The following ASRGL1 variants were observed in gnomAD, a reference collection of about 807,000 sequenced individuals.
The protein encoded by ASRGL1 is isoaspartyl peptidase/L-asparaginase.
A neutral mutation model predicts 22.4 loss-of-function variants in ASRGL1; 16 were observed. The ratio of observed to expected loss-of-function variants is 0.71; its 90% CI spans 0.48 to 1.08. The LOEUF (loss-of-function observed/expected upper bound fraction) is 1.08. ASRGL1 is among the 50% of genes least tolerant of loss of function. The pLI is 0.00. For missense variants in ASRGL1, 412 were observed against 410.1 expected (o/e 1.00, Z -0.04); for synonymous variants, 165 against 159.3 (o/e 1.04, Z -0.27).
intron 4 of ASRGL1, among the ~76,000 whole-genome samples, chr11:62,360,664 T>C (rs1946411365): frequency 1.3e-5 from 2 of 152,216 alleles, no homozygotes; most frequent in Admixed American, 1.3e-4. Flanking sequence ...GATCTACTTA[T>C]TAATCAAAAC....
intron 4 of ASRGL1, among the ~76,000 whole-genome samples, chr11:62,383,473 G>A (rs1356020788): frequency 6.7e-6 from 1 of 150,352 alleles, no homozygotes; most frequent in African/African-American, 2.5e-5. Flanking sequence ...CGTAGTGGCG[G>A]GCGCCTGTAG....
At chr11:62,341,196 ATT>A (rs577020969) in intron 2 of ASRGL1, among the ~76,000 whole-genome samples, 55 of 135,306 alleles carry the variant, frequency 4.1e-4, no homozygotes, top group African/African-American at 8.2e-4. Context: ...AGATAACAGG[ATT>A]TTTTTTTTTT....
intron 2 of ASRGL1, among the ~76,000 whole-genome samples, chr11:62,349,472 G>A (rs973235708): frequency 6.6e-6 from 1 of 152,196 alleles, no homozygotes; most frequent in Non-Finnish European, 1.5e-5. Flanking sequence ...TGCAAAGGCA[G>A]TTTCAATGTT....
chr11:62,345,834 A>G (rs1357981018), intron 2 of ASRGL1, among the ~76,000 whole-genome samples: 2 of 152,322 alleles, frequency 1.3e-5, no homozygotes, highest in African/African-American at 2.4e-5. Flanking sequence ...CACAGTTCAC[A>G]ACAGGGTTCA....
At chr11:62,353,831 T>A (rs1005481411) in intron 2 of ASRGL1, among the ~76,000 whole-genome samples, 2 of 152,248 alleles carry the variant, frequency 1.3e-5, no homozygotes, top group African/African-American at 4.8e-5. Context: ...ATAAATCTTT[T>A]ATCAGGTCTT....
chr11:62,342,576 G>A (rs1198284095), intron 2 of ASRGL1, among the ~76,000 whole-genome samples: 1 of 152,218 alleles, frequency 6.6e-6, no homozygotes, highest in African/African-American at 2.4e-5. Flanking sequence ...GTCCAATATG[G>A]CAAAATGCTG....
At chr11:62,345,866 C>G (rs1472324952) in intron 2 of ASRGL1, among the ~76,000 whole-genome samples, 1 of 152,172 alleles carries the variant, frequency 6.6e-6, no homozygotes, top group Non-Finnish European at 1.5e-5. Context: ...GAATCTAATG[C>G]TGCTGCTGAT....
intron 4 of ASRGL1, among the ~76,000 whole-genome samples, chr11:62,384,037 T>TGTGTGC (rs1947144604): frequency 6.8e-6 from 1 of 148,146 alleles, no homozygotes; most frequent in African/African-American, 2.5e-5. Context: ...CGTGTGTGCG[T>TGTGTGC]GTGTGTGTGT....
At chr11:62,337,618 G>T (rs186732355) in intron 1 of ASRGL1, 44 bp downstream of exon 1, 3,463 of 176,522 alleles carry the variant, frequency 0.02, 41 homozygotes, top group Non-Finnish European at 0.028. Flanking sequence ...AGACGCGGGA[G>T]GGCGAATGAA....
At chr11:62,356,862 A>T in intron 3 of ASRGL1, 125 bp from the exon 4 acceptor site, 1 of 1,226,890 alleles carries the variant, frequency 8.2e-7, no homozygotes, top group Non-Finnish European at 1.1e-6. Context: ...AAAGCAAACC[A>T]CTGGAATTTG....
At chr11:62,354,448 G>A (rs1946232304) in intron 2 of ASRGL1, among the ~76,000 whole-genome samples, 1 of 152,118 alleles carries the variant, frequency 6.6e-6, no homozygotes. Flanking sequence ...GCCGCAGTAA[G>A]AAATTAATAA....
At chr11:62,394,195 TATATATAATATATG>T (rs1453440857), downstream of ASRGL1, among the ~76,000 whole-genome samples, 1 of 131,860 alleles carries the variant, frequency 7.6e-6, no homozygotes, top group Non-Finnish European at 1.5e-5. Flanking sequence ...TATATACTAT[TATATATAATATATG>T]ATATATAATA....
At chr11:62,396,865 A>C (rs1273122096), downstream of ASRGL1, among the ~76,000 whole-genome samples, 31 of 151,998 alleles carry the variant, frequency 2.0e-4, no homozygotes, top group Admixed American at 2.0e-3. Flanking sequence ...AACTCAGATA[A>C]GTGTTAGAGT....
chr11:62,352,515 C>G (rs1946191779), intron 2 of ASRGL1, among the ~76,000 whole-genome samples: 1 of 150,934 alleles, frequency 6.6e-6, no homozygotes, highest in Non-Finnish European at 1.5e-5. Context: ...ACCCAGGAGG[C>G]AGATGTTGCA....
At chr11:62,398,375 C>T (rs1045243625), downstream of ASRGL1, among the ~76,000 whole-genome samples, 1 of 152,134 alleles carries the variant, frequency 6.6e-6, no homozygotes, top group Admixed American at 6.5e-5. Flanking sequence ...CAGCCTTTCC[C>T]ACACAGCTAG....
Position 62,389,158 on chromosome 11 carries a change from GCCTTGGACTGCA to G in ASRGL1, c.518_529del (p.Ala173_Lys177delinsGlu), listed in dbSNP as rs1255407184. The G allele has an allele frequency of 1.2e-6, 2 of 1,613,858 alleles. No homozygotes were observed. Among genetic ancestry groups the G allele is most frequent in the Admixed American group, 3.3e-5 (2 of 60,016 alleles). ...AAACTTGGGAACCGTGGGTGCTGTT[GCCTTGGACTGCA>G]AAGGGAATGTAGCCTACGCAACCTC... On this transcript the variant is annotated inframe_deletion, in exon 5 of 7. Coordinates refer to ENST00000415229, the MANE Select transcript of ASRGL1 (RefSeq NM_001083926.2).
chr11:62,351,671 T>C (rs374436083), intron 2 of ASRGL1, among the ~76,000 whole-genome samples: 144 of 152,062 alleles, frequency 9.5e-4, no homozygotes, highest in African/African-American at 2.6e-3. Flanking sequence ...AAAATCGTTT[T>C]TTTTGGTGGG....
chr11:62,394,197 TATATA>T (rs1197312858), downstream of ASRGL1, among the ~76,000 whole-genome samples: 12 of 133,116 alleles, frequency 9.0e-5, no homozygotes, highest in East Asian at 4.0e-4. Context: ...TATACTATTA[TATATA>T]ATATATGATA....
chr11:62,383,476 G>T (rs562341198), intron 4 of ASRGL1, among the ~76,000 whole-genome samples: 1 of 150,100 alleles, frequency 6.7e-6, no homozygotes, highest in African/African-American at 2.5e-5. Context: ...AGTGGCGGGC[G>T]CCTGTAGTCC....
Sources: allele counts gnomAD v4.1 joint callset (sites outside exome capture counted in the v4.1 genomes callset), GRCh38; gene constraint gnomAD v4.1.1; transcripts MANE v1.5; gene names NCBI Gene and HGNC (gene_info 2026-07-23, HGNC 2026-07-21).